The following FERRY3 variants were observed in gnomAD, a reference collection of about 807,000 sequenced individuals.
The protein encoded by FERRY3 is protein C12orf4.
chr12:4,501,663 T>C, the FERRY3 span, among the ~76,000 whole-genome samples: 1 of 152,202 alleles, frequency 6.6e-6, no homozygotes, highest in Non-Finnish European at 1.5e-5. Context: ...CACCCCTAGA[T>C]GGGATCATCC....
chr12:4,536,110 T>C, the FERRY3 span: 8 of 1,610,262 alleles, frequency 5.0e-6, no homozygotes, highest in Non-Finnish European at 6.8e-6. Context: ...AGTGGCACTC[T>C]CAGTTCTAAG....
At chr12:4,522,229 C>A in the FERRY3 span, among the ~76,000 whole-genome samples, 1 of 152,074 alleles carries the variant, frequency 6.6e-6, no homozygotes, top group Non-Finnish European at 1.5e-5. Context: ...GAAATAAAGT[C>A]TTTAACTGAT....
the FERRY3 span, chr12:4,525,163 G>T: frequency 3.5e-6 from 5 of 1,435,020 alleles, no homozygotes; most frequent in Non-Finnish European, 3.8e-6. Flanking sequence ...AAATTAAAAA[G>T]ACATACAGCT....
chr12:4,534,723 G>T, the FERRY3 span, among the ~76,000 whole-genome samples: 3 of 152,092 alleles, frequency 2.0e-5, no homozygotes, highest in Non-Finnish European at 4.4e-5. Context: ...ATTTTATCAA[G>T]CTGATACTCT....
the FERRY3 span, among the ~76,000 whole-genome samples, chr12:4,530,580 G>A: frequency 6.6e-5 from 10 of 152,284 alleles, 1 homozygote; most frequent in Middle Eastern, 6.8e-3. Flanking sequence ...GGTCACCTGC[G>A]AATGAAAGCC....
At chr12:4,519,975 G>C in the FERRY3 span, among the ~76,000 whole-genome samples, 7 of 152,202 alleles carry the variant, frequency 4.6e-5, no homozygotes, top group African/African-American at 1.4e-4. This position sits in a 1 kb window ranked among gnomAD's most constrained non-coding sequence, Gnocchi z 4.3. Flanking sequence ...TCAAAGATTT[G>C]TGATCATAAG....
chr12:4,490,893 TA>T, the FERRY3 span, among the ~76,000 whole-genome samples: 1 of 152,236 alleles, frequency 6.6e-6, no homozygotes, highest in African/African-American at 2.4e-5. Flanking sequence ...TATGTGGCTC[TA>T]TTTTTTTTCT....
chr12:4,501,827 G>A, the FERRY3 span, among the ~76,000 whole-genome samples: 13 of 152,164 alleles, frequency 8.5e-5, 1 homozygote, highest in Admixed American at 3.9e-4. Flanking sequence ...CCCAACCCCC[G>A]GTCTGTGGAA....
the FERRY3 span, chr12:4,536,161 C>T: frequency 3.8e-6 from 6 of 1,598,112 alleles, no homozygotes; most frequent in African/African-American, 8.1e-5. Context: ...AATTCTCTCT[C>T]TCTATTGCAG....
chr12:4,525,756 C>T, the FERRY3 span, among the ~76,000 whole-genome samples: 1 of 152,272 alleles, frequency 6.6e-6, no homozygotes, highest in South Asian at 2.1e-4. Context: ...GAAATGGAGA[C>T]TAGCCAATAA....
At chr12:4,523,924 G>A in the FERRY3 span, among the ~76,000 whole-genome samples, 3 of 151,980 alleles carry the variant, frequency 2.0e-5, no homozygotes, top group East Asian at 1.9e-4. Context: ...AAACCTGCAC[G>A]TTGTGCACAT....
chr12:4,517,699 A>ATC, the FERRY3 span, among the ~76,000 whole-genome samples: 1 of 145,190 alleles, frequency 6.9e-6, no homozygotes, highest in Non-Finnish European at 1.5e-5. Context: ...ATATATATAT[A>ATC]TATATATAGA....
chr12:4,528,930 C>T, the FERRY3 span, among the ~76,000 whole-genome samples: 1 of 144,174 alleles, frequency 6.9e-6, no homozygotes. Flanking sequence ...CACACACACA[C>T]ACACACACAA....
the FERRY3 span, chr12:4,500,259 G>A: frequency 7.4e-6 from 12 of 1,613,850 alleles, no homozygotes; most frequent in South Asian, 6.6e-5. Flanking sequence ...GATGTTTCCC[G>A]ATTTCACATG....
At chr12:4,528,063 G>C in the FERRY3 span, among the ~76,000 whole-genome samples, 1 of 151,948 alleles carries the variant, frequency 6.6e-6, no homozygotes, top group African/African-American at 2.4e-5. Flanking sequence ...AGTTTTCTAG[G>C]GGGTAGAGGC....
chr12:4,499,960 G>C, the FERRY3 span, among the ~76,000 whole-genome samples: 2 of 152,040 alleles, frequency 1.3e-5, no homozygotes, highest in African/African-American at 2.4e-5. Flanking sequence ...GAACATAAAT[G>C]GTTAAGGATT....
chr12:4,517,927 ATGTT>A, the FERRY3 span: 3,597 of 660,072 alleles, frequency 5.4e-3, 102 homozygotes, highest in African/African-American at 0.059. Context: ...ATGGCTGGGT[ATGTT>A]TGTTTGGTCT....
At chr12:4,533,907 T>A in the FERRY3 span, 1 of 305,550 alleles carries the variant, frequency 3.3e-6, no homozygotes, top group East Asian at 5.4e-5. Context: ...AATTACTAAA[T>A]CTGGAGACCC....
chr12:4,534,428 GTCTC>G, the FERRY3 span: 66 of 1,063,068 alleles, frequency 6.2e-5, no homozygotes, highest in Non-Finnish European at 7.2e-5. Context: ...TAGAGATGGG[GTCTC>G]TCTCTCTGTT....
Sources: gnomAD v4.1 joint callset for allele counts (sites outside exome capture counted in the v4.1 genomes callset) on GRCh38, gnomAD v4.1.1 for gene constraint, Gnocchi (gnomAD v3.1) non-coding constraint, MANE v1.5 for transcripts, NCBI Gene and HGNC (gene_info 2026-07-23, HGNC 2026-07-21) for gene names.